Variants in MBNL2 observed in about 807,000 individuals in gnomAD.
The protein encoded by MBNL2 is muscleblind-like protein 2.
MBNL2 carries 17 observed loss-of-function variants against 41.9 expected under a neutral mutation model. The ratio of observed to expected loss-of-function variants is 0.41; its 90% CI spans 0.28 to 0.61. MBNL2 has a LOEUF of 0.61. MBNL2 is among the 20% of genes least tolerant of loss of function. The pLI is 0.35. For synonymous variants in MBNL2, 195 were observed against 182.9 expected (o/e 1.07, Z -0.53); for missense variants, 336 against 505.6 (o/e 0.66, Z 3.22).
At chr13:97,147,075 A>G in the MBNL2 span, among the ~76,000 whole-genome samples, 1 of 152,206 alleles carries the variant, frequency 6.6e-6, no homozygotes, top group Non-Finnish European at 1.5e-5. Flanking sequence ...GCAGTTATCC[A>G]AACAGAGACA....
At chr13:97,195,113 G>C in the MBNL2 span, among the ~76,000 whole-genome samples, 1 of 151,932 alleles carries the variant, frequency 6.6e-6, no homozygotes, top group South Asian at 2.1e-4. Flanking sequence ...CCTCTCTTGG[G>C]GTCTGGATTG....
the MBNL2 span, among the ~76,000 whole-genome samples, chr13:97,150,414 A>T: frequency 6.6e-6 from 1 of 152,216 alleles, no homozygotes; most frequent in Non-Finnish European, 1.5e-5. Flanking sequence ...GGTCAAAGCC[A>T]CATGGTCTCT....
chr13:97,347,154 C>A, intron 5 of MBNL2, 87 bp downstream of exon 5: 4 of 1,015,304 alleles, frequency 3.9e-6, no homozygotes, highest in African/African-American at 1.7e-5. Context: ...TCCAAACACT[C>A]GGGAAACATG....
At chr13:97,258,436 G>C (rs1382082422) in intron 1 of MBNL2, among the ~76,000 whole-genome samples, 1 of 151,938 alleles carries the variant, frequency 6.6e-6, no homozygotes, top group Non-Finnish European at 1.5e-5. Flanking sequence ...TTACTTCTAG[G>C]ATGAAAGTAA....
chr13:97,292,176 G>A (rs1295284194), intron 2 of MBNL2, among the ~76,000 whole-genome samples: 1 of 146,138 alleles, frequency 6.8e-6, no homozygotes, highest in Non-Finnish European at 1.5e-5. Context: ...ACTCCAGCCT[G>A]GGCAACAGAG....
At chr13:97,375,524 G>A (rs981976362) in intron 8 of MBNL2, among the ~76,000 whole-genome samples, 1 of 152,166 alleles carries the variant, frequency 6.6e-6, no homozygotes, top group African/African-American at 2.4e-5. Context: ...AATTGAAGAG[G>A]TGGAGATGAG....
intron 1 of MBNL2, among the ~76,000 whole-genome samples, chr13:97,253,669 T>C (rs2046993504): frequency 6.6e-6 from 1 of 152,116 alleles, no homozygotes; most frequent in Non-Finnish European, 1.5e-5. Context: ...GTTTTATCAC[T>C]CATATAAAAA....
At chr13:97,213,844 T>C in the MBNL2 span, among the ~76,000 whole-genome samples, 1 of 152,150 alleles carries the variant, frequency 6.6e-6, no homozygotes, top group African/African-American at 2.4e-5. Context: ...TTGTAGTAAA[T>C]CAAAACCAGT....
intron 5 of MBNL2, among the ~76,000 whole-genome samples, chr13:97,352,061 T>TA (rs377716664): frequency 1.5e-4 from 19 of 126,464 alleles, no homozygotes; most frequent in African/African-American, 2.5e-4. Flanking sequence ...AATAAATAAA[T>TA]AATAAATAAA....
chr13:97,339,863 T>TTGTG (rs370964726), intron 3 of MBNL2, among the ~76,000 whole-genome samples: 10 of 115,348 alleles, frequency 8.7e-5, no homozygotes, highest in Non-Finnish European at 1.7e-4. Flanking sequence ...GGCAACTGAT[T>TTGTG]TGTGTGTGGG....
At chr13:97,371,983 A>C (rs2064429390) in intron 8 of MBNL2, among the ~76,000 whole-genome samples, 2 of 152,174 alleles carry the variant, frequency 1.3e-5, no homozygotes, top group Admixed American at 1.3e-4. Context: ...ACTCAGAGCC[A>C]CAAAAGCTCA....
intron 8 of MBNL2, among the ~76,000 whole-genome samples, chr13:97,380,366 C>T (rs1431228559): frequency 6.6e-6 from 1 of 152,032 alleles, no homozygotes; most frequent in Non-Finnish European, 1.5e-5. Context: ...TGGTGGTGGG[C>T]ATCTGTAATC....
intron 8 of MBNL2, among the ~76,000 whole-genome samples, chr13:97,377,050 C>T (rs575771674): frequency 3.9e-5 from 6 of 152,246 alleles, no homozygotes; most frequent in East Asian, 1.9e-4. Flanking sequence ...ATACAGACAG[C>T]GACAACATAA....
At chr13:97,263,954 A>G (rs1037622455) in intron 1 of MBNL2, among the ~76,000 whole-genome samples, 1 of 151,100 alleles carries the variant, frequency 6.6e-6, no homozygotes, top group African/African-American at 2.4e-5. Context: ...CAGTTGTAGT[A>G]TAATCGAATT....
At position 97,343,178 on chromosome 13, in the gene MBNL2, A is replaced by T. The variant is rs752949533; in HGVS notation, c.502A>T (p.Thr168Ser). 6.2e-7 allele frequency: 1 copy of T among 1,612,866 alleles called. No homozygotes were observed. The highest frequency in any genetic ancestry group is 1.1e-5 in the South Asian group (1 of 90,742). Reference sequence around the variant, plus strand: ...TCCACCGGTCACTGTCCCGGGCTCAACTGCAACTCAGAAACTTCTCAGGAC... The same window carrying T: ...TCCACCGGTCACTGTCCCGGGCTCATCTGCAACTCAGAAACTTCTCAGGAC... ...GSPPVTVPGS[T>S]ATQKLLRTDK... The change falls in exon 4 of 9, where the codon ACT (threonine) becomes TCT (serine). Residue 168 changes from threonine (T) to serine (S), a missense_variant. Physicochemically the swap from Thr to Ser is moderately conservative, Grantham distance 58. Transcript: ENST00000679496.
chr13:97,287,929 G>T (rs868606305), intron 2 of MBNL2, among the ~76,000 whole-genome samples: 1,873 of 71,998 alleles, frequency 0.026, 88 homozygotes, highest in African/African-American at 0.085. Context: ...TTTTTTTTTT[G>T]TTTTGTTTTG....
chr13:97,155,832 T>C, the MBNL2 span, among the ~76,000 whole-genome samples: 1 of 150,650 alleles, frequency 6.6e-6, no homozygotes, highest in Non-Finnish European at 1.5e-5. Context: ...GTCTTTGCTA[T>C]TGTGAATAAT....
chr13:97,299,886 A>G (rs2057446293), intron 2 of MBNL2, among the ~76,000 whole-genome samples: 1 of 152,182 alleles, frequency 6.6e-6, no homozygotes, highest in Non-Finnish European at 1.5e-5. Context: ...AAGAGACCCA[A>G]CAATCATATG....
At chr13:97,251,835 T>C (rs12867912) in intron 1 of MBNL2, among the ~76,000 whole-genome samples, 3 of 27,178 alleles carry the variant, frequency 1.1e-4, no homozygotes, top group African/African-American at 1.8e-4. Flanking sequence ...TCCTCAATTC[T>C]TTTTTTTTTT....
Sources: gnomAD v4.1 joint callset for allele counts (sites outside exome capture counted in the v4.1 genomes callset) on GRCh38, gnomAD v4.1.1 for gene constraint, MANE v1.5 for transcripts, NCBI Gene and HGNC (gene_info 2026-07-23, HGNC 2026-07-21) for gene names.